MYO16: variants seen among roughly 807,000 people sequenced by gnomAD.
MYO16 encodes the protein unconventional myosin-XVI.
A neutral mutation model predicts 205.3 loss-of-function variants in MYO16; 94 were observed. That is an observed-to-expected ratio of 0.46 (90% CI 0.39 to 0.54). MYO16 has a LOEUF of 0.54. Ranked by LOEUF, MYO16 falls within the 20% of genes least tolerant of loss-of-function variation. MYO16 has a pLI of 0.00. For synonymous variants in MYO16, 988 were observed against 954.0 expected (o/e 1.04, Z -0.66); for missense variants, 2,315 against 2,387.5 (o/e 0.97, Z 0.63).
Position 108,684,863 on chromosome 13 carries a change from G to A in MYO16, c.292+18714G>A, listed in dbSNP as rs147262906. Among the ~76,000 whole-genome samples, 422 of 152,238 alleles carry A rather than the reference G, an allele frequency of 2.8e-3. 3 individuals carry two copies. The highest frequency in any genetic ancestry group is 0.017 in the South Asian group (81 of 4,816). On this transcript the variant is annotated intron_variant, in intron 2 of 34. Coordinates refer to ENST00000457511, the MANE Select transcript of MYO16 (RefSeq NM_001198950.3). Reference sequence around the variant, plus strand: ...GGTGAGCCTGGAAGCTCCATGCCTGGCCCCAGACCCGCCTTATGTGCCTCT... The same window carrying A: ...GGTGAGCCTGGAAGCTCCATGCCTGACCCCAGACCCGCCTTATGTGCCTCT...
intron 9 of MYO16, among the ~76,000 whole-genome samples, chr13:108,825,704 T>A (rs1876225143): frequency 6.6e-6 from 1 of 151,828 alleles, no homozygotes; most frequent in Admixed American, 6.6e-5. Flanking sequence ...TACAAAAATA[T>A]CTTATTTGAA....
At chr13:108,723,844 A>AAT (rs1361246470) in intron 3 of MYO16, among the ~76,000 whole-genome samples, 1 of 152,010 alleles carries the variant, frequency 6.6e-6, no homozygotes, top group African/African-American at 2.4e-5. Context: ...TCAGCTTTTC[A>AAT]ATATCTATAA....
chr13:108,625,347 G>A (rs367834993), upstream of MYO16, among the ~76,000 whole-genome samples: 1 of 152,326 alleles, frequency 6.6e-6, no homozygotes. Context: ...AGGATGTTCA[G>A]TCATTCAAGG....
chr13:109,121,853 G>A (rs1876007489), intron 29 of MYO16, among the ~76,000 whole-genome samples: 1 of 152,228 alleles, frequency 6.6e-6, no homozygotes, highest in South Asian at 2.1e-4. Flanking sequence ...GGTAAAGGAG[G>A]CATCATCTTT....
chr13:108,687,311 C>G (rs1882718609), intron 2 of MYO16, among the ~76,000 whole-genome samples: 1 of 152,106 alleles, frequency 6.6e-6, no homozygotes. Context: ...TGGATAAGCC[C>G]CTGGTTCTGG....
chr13:109,029,644 C>T (rs1886487049), intron 23 of MYO16, among the ~76,000 whole-genome samples: 1 of 152,178 alleles, frequency 6.6e-6, no homozygotes, highest in South Asian at 2.1e-4. Flanking sequence ...CAAACTGATA[C>T]TCTTAAAAGC....
At chr13:108,947,888 T>C (rs1882997909) in intron 16 of MYO16, among the ~76,000 whole-genome samples, 1 of 152,202 alleles carries the variant, frequency 6.6e-6, no homozygotes. Context: ...GTTAAAAGGA[T>C]TCTGTTCTTT....
chr13:108,951,529 G>T (rs1013216873), intron 16 of MYO16, among the ~76,000 whole-genome samples: 10 of 152,056 alleles, frequency 6.6e-5, no homozygotes, highest in Admixed American at 6.6e-5. Context: ...GTTATTAAGT[G>T]GCACTTTTCA....
At chr13:108,892,254 A>ATTT (rs987391614) in intron 14 of MYO16, among the ~76,000 whole-genome samples, 1 of 151,548 alleles carries the variant, frequency 6.6e-6, no homozygotes, top group Non-Finnish European at 1.5e-5. Flanking sequence ...GCTCAAAATA[A>ATTT]TTTTTTTTTT....
chr13:108,525,486 A>C, the MYO16 span, among the ~76,000 whole-genome samples: 2 of 152,056 alleles, frequency 1.3e-5, no homozygotes, highest in Non-Finnish European at 2.9e-5. Flanking sequence ...TGCTGTGGGG[A>C]TGACCCTGTG....
intron 4 of MYO16, among the ~76,000 whole-genome samples, chr13:108,744,451 TAATC>T (rs1566582820): frequency 6.6e-6 from 1 of 152,338 alleles, no homozygotes; most frequent in African/African-American, 2.4e-5. Context: ...AAGAAAAAAA[TAATC>T]AAACTTGTTT....
intron 9 of MYO16, among the ~76,000 whole-genome samples, chr13:108,843,136 T>C (rs1424162316): frequency 2.6e-5 from 4 of 151,678 alleles, no homozygotes; most frequent in South Asian, 4.2e-4. Flanking sequence ...GAGCACACAC[T>C]TGGAGTCATA....
At chr13:109,067,153 C>T (rs984562840) in intron 27 of MYO16, among the ~76,000 whole-genome samples, 1 of 152,196 alleles carries the variant, frequency 6.6e-6, no homozygotes, top group East Asian at 1.9e-4. Flanking sequence ...GGACTCCACA[C>T]TCTTCACTGT....
intron 28 of MYO16, among the ~76,000 whole-genome samples, chr13:109,110,845 C>T (rs1400664831): frequency 6.6e-6 from 1 of 152,174 alleles, no homozygotes; most frequent in African/African-American, 2.4e-5. Context: ...TCAATGGTTT[C>T]TTTACTGAGC....
At position 109,047,938 on chromosome 13, in the gene MYO16, C is replaced by T. The variant is rs1887099574; in HGVS notation, c.2872+947C>T. Among the ~76,000 whole-genome samples the T allele has an allele frequency of 1.3e-5, 2 of 151,730 alleles. 1 individual carries two copies. Among genetic ancestry groups the T allele is most frequent in the Non-Finnish European group, 2.9e-5 (2 of 67,870 alleles). On this transcript the variant is annotated intron_variant, in intron 24 of 34. Coordinates refer to ENST00000457511, the MANE Select transcript of MYO16 (RefSeq NM_001198950.3). ...AGAACTTATGTTTATTGTGAGTTCTCTTAGCTAAAACTAACAAAAAAAACA... is the reference window on the plus strand; with the variant it reads ...AGAACTTATGTTTATTGTGAGTTCTTTTAGCTAAAACTAACAAAAAAAACA...
chr13:109,201,000 T>G (rs1470684898), intron 34 of MYO16, among the ~76,000 whole-genome samples: 4 of 152,102 alleles, frequency 2.6e-5, no homozygotes, highest in Non-Finnish European at 5.9e-5. Context: ...CATAAGGAGA[T>G]GGAAGAGTAA....
intron 3 of MYO16, among the ~76,000 whole-genome samples, chr13:108,720,427 G>A (rs541038748): frequency 2.0e-5 from 3 of 152,182 alleles, no homozygotes; most frequent in East Asian, 3.9e-4. Flanking sequence ...TTCTCTCTCT[G>A]TCACTGTTTC....
At chr13:109,014,888 T>C (rs1340518244) in intron 22 of MYO16, among the ~76,000 whole-genome samples, 2 of 152,232 alleles carry the variant, frequency 1.3e-5, no homozygotes, top group Non-Finnish European at 2.9e-5. Context: ...TTTTCAAATA[T>C]ACAATCATGT....
intron 32 of MYO16, among the ~76,000 whole-genome samples, chr13:109,143,622 A>G (rs1877200723): frequency 6.6e-6 from 1 of 152,226 alleles, no homozygotes; most frequent in African/African-American, 2.4e-5. Flanking sequence ...GACAGACCTC[A>G]TCATTTGGAA....
Sources: allele counts gnomAD v4.1 joint callset (sites outside exome capture counted in the v4.1 genomes callset), GRCh38; gene constraint gnomAD v4.1.1; transcripts MANE v1.5; gene names NCBI Gene and HGNC (gene_info 2026-07-23, HGNC 2026-07-21).